The following SYTL4 variants were observed in gnomAD, a reference collection of about 807,000 sequenced individuals.
The protein encoded by SYTL4 is synaptotagmin like 4, also known as synaptotagmin-like protein 4.
A neutral mutation model predicts 52.7 loss-of-function variants in SYTL4; 16 were observed. The ratio of observed to expected loss-of-function variants is 0.30; its 90% confidence interval spans 0.21 to 0.46. The LOEUF is 0.46. Among genes scored for constraint, SYTL4 ranks in the 20% least tolerant of loss-of-function variants. The pLI is 1.00. For synonymous variants in SYTL4, 160 were observed against 186.6 expected, an observed-to-expected ratio of 0.86 and a Z score of 1.16; for missense variants, 423 against 519.9, an observed-to-expected ratio of 0.81 and a Z score of 1.81.
Position 100,688,335 on chromosome X carries a change from A to T in SYTL4, c.1005+16T>A. 1 of 1,196,366 alleles carries T rather than the reference A, an allele frequency of 8.4e-7. No individual in the cohort carries two copies. The highest frequency in any genetic ancestry group is 1.1e-6 in the Non-Finnish European group (1 of 881,701). On this transcript the variant is annotated intron_variant, in intron 13 of 19. Transcript: ENST00000372989. ...TACCCCAACATGCCTGTAACCACAG[A>T]TCTAATAGAACTTACCATGGAGGAG...
chrX:100,702,409 G>A (rs1187479095), intron 4 of SYTL4, among the ~76,000 whole-genome samples: 4 of 112,239 alleles, frequency 3.6e-5, no homozygotes, highest in Admixed American at 1.9e-4. Flanking sequence ...CACCAAGTGA[G>A]TCCTCAATCA....
chrX:100,717,185 A>T (rs1047521785), intron 2 of SYTL4, among the ~76,000 whole-genome samples: 47 of 112,025 alleles, frequency 4.2e-4, no homozygotes, highest in African/African-American at 1.5e-3. Flanking sequence ...GCTGGCTAAG[A>T]AGAAAAGAAC....
At chrX:100,714,334 A>G (rs1306669730) in intron 2 of SYTL4, among the ~76,000 whole-genome samples, 6 of 106,314 alleles carry the variant, frequency 5.6e-5, no homozygotes, top group African/African-American at 2.1e-4. Context: ...ATCTTGGCTC[A>G]CTGCAAGCTC....
chrX:100,725,332 TAGAC>T (rs1159766635), intron 2 of SYTL4, among the ~76,000 whole-genome samples: 2 of 112,022 alleles, frequency 1.8e-5, no homozygotes, highest in Non-Finnish European at 3.8e-5. Flanking sequence ...AAGTATCCAA[TAGAC>T]AGAGAGCGTG....
chrX:100,679,623 T>C (rs2083338019), intron 17 of SYTL4, among the ~76,000 whole-genome samples: 1 of 112,395 alleles, frequency 8.9e-6, no homozygotes, highest in Non-Finnish European at 1.9e-5. Flanking sequence ...AATAAATGCC[T>C]ATTGAAAACT....
At chrX:100,698,292 A>G (rs1248044539) in intron 8 of SYTL4, among the ~76,000 whole-genome samples, 1 of 110,257 alleles carries the variant, frequency 9.1e-6, no homozygotes, top group Non-Finnish European at 1.9e-5. Context: ...TTTATTAGAG[A>G]CGGGGTTTCA....
At chrX:100,706,585 G>C (rs2083961763) in intron 2 of SYTL4, among the ~76,000 whole-genome samples, 1 of 112,569 alleles carries the variant, frequency 8.9e-6, no homozygotes, top group South Asian at 3.6e-4. Context: ...ACAAAGGTAA[G>C]TGCAGAAAAA....
chrX:100,717,592 C>T (rs1037608186), intron 2 of SYTL4, among the ~76,000 whole-genome samples: 1 of 112,638 alleles, frequency 8.9e-6, no homozygotes, highest in African/African-American at 3.2e-5. Flanking sequence ...CCATATGCTA[C>T]GCGCAAAAAC....
chrX:100,698,188 C>T (rs1342912216), intron 8 of SYTL4, among the ~76,000 whole-genome samples: 3 of 110,424 alleles, frequency 2.7e-5, no homozygotes, highest in Admixed American at 9.6e-5. Context: ...GTGCAAGCTC[C>T]GCCTCCCGGG....
intron 19 of SYTL4, among the ~76,000 whole-genome samples, chrX:100,677,216 T>A (rs1187933357): frequency 9.0e-6 from 1 of 111,589 alleles, no homozygotes; most frequent in East Asian, 2.8e-4. Context: ...GAGAAAACAA[T>A]AATTGCAAAG....
In SYTL4 at chrX:100,686,087, C is replaced by G; in HGVS notation, c.1352G>C (p.Arg451Pro). The change falls in exon 16 of 20, where the codon CGT becomes CCT. Residue 451 changes from arginine (R) to proline (P), a missense_variant. Coordinates refer to ENST00000372989, the MANE Select transcript of SYTL4 (RefSeq NM_001370165.1). ...TCCAAGGAAAGTGTTTCTGCCAAAA[C>G]GACCATGATGCCAAACTGAGAACTG... ...TLQFSVWHHGRFGRNTFLGEA... is the reference protein window; with the variant it reads ...TLQFSVWHHGPFGRNTFLGEA... The G allele has an allele frequency of 8.3e-7, 1 of 1,210,234 alleles. No homozygotes were observed. The highest frequency in any genetic ancestry group is 1.8e-5 in the South Asian group (1 of 56,510).
intron 2 of SYTL4, among the ~76,000 whole-genome samples, chrX:100,713,239 A>G (rs1173410875): frequency 8.9e-6 from 1 of 111,945 alleles, no homozygotes; most frequent in Admixed American, 9.5e-5. Context: ...GAGGTCAGGA[A>G]TTTGAAGCCA....
Position 100,729,798 on chromosome X carries a change from G to A in SYTL4, c.-240+1620C>T, listed in dbSNP as rs183684038. 4.7e-4 allele frequency among the ~76,000 whole-genome samples: 52 copies of A among 110,562 alleles called. No homozygotes were observed. In the East Asian group the frequency reaches 0.013, roughly 29 times the overall value. On this transcript the variant is annotated intron_variant, in intron 2 of 19. Coordinates refer to ENST00000372989, the MANE Select transcript of SYTL4 (RefSeq NM_001370165.1). ...GAAGAAGTATGTGTTCAGTAAGGCC[G>A]TTCCAAAGGAGGTGACTTTAGAACT...
chrX:100,700,506 G>A (rs1014820240), intron 8 of SYTL4, among the ~76,000 whole-genome samples: 2 of 111,626 alleles, frequency 1.8e-5, no homozygotes, highest in Non-Finnish European at 3.8e-5. Flanking sequence ...CAGTCAACCC[G>A]TTATGTATAT....
chrX:100,723,764 C>A (rs1374183496), intron 2 of SYTL4, among the ~76,000 whole-genome samples: 1 of 108,875 alleles, frequency 9.2e-6, no homozygotes, highest in Non-Finnish European at 1.9e-5. Flanking sequence ...GCCCCTCCGC[C>A]CGGCAGCCGC....
intron 2 of SYTL4, among the ~76,000 whole-genome samples, chrX:100,727,239 C>T (rs2084538323): frequency 8.9e-6 from 1 of 112,197 alleles, no homozygotes; most frequent in African/African-American, 3.2e-5. Context: ...GTAAATATAA[C>T]TAATAAATAT....
At chrX:100,680,055 T>C (rs1403037604) in intron 17 of SYTL4, among the ~76,000 whole-genome samples, 1 of 112,243 alleles carries the variant, frequency 8.9e-6, no homozygotes, top group Non-Finnish European at 1.9e-5. Flanking sequence ...TTACCACCTC[T>C]ACTTCTTTGC....
chrX:100,686,812 G>T, intron 14 of SYTL4, 31 bp from the exon 15 acceptor site: 3 of 1,128,994 alleles, frequency 2.7e-6, no homozygotes, highest in Non-Finnish European at 3.6e-6. Context: ...TGAGTAATTT[G>T]CTGGCCTTTC....
chrX:100,694,960 T>C (rs1261395031), intron 8 of SYTL4, among the ~76,000 whole-genome samples: 3 of 110,943 alleles, frequency 2.7e-5, no homozygotes, highest in Non-Finnish European at 5.7e-5. Flanking sequence ...GCACAAGACA[T>C]AGCAGGGGGG....
Sources: allele counts gnomAD v4.1 joint callset (sites outside exome capture counted in the v4.1 genomes callset), GRCh38; gene constraint gnomAD v4.1.1; transcripts MANE v1.5; gene names NCBI Gene and HGNC (gene_info 2026-07-23, HGNC 2026-07-21).